GEN1: variants seen among roughly 807,000 people sequenced by gnomAD.
GEN1 encodes the protein GEN1 structure-specific endonuclease, also known as flap endonuclease GEN homolog 1.
In GEN1, 64 loss-of-function variants were observed where a neutral mutation model predicts 67.6. The ratio of observed to expected loss-of-function variants is 0.95; its 90% CI spans 0.77 to 1.17. GEN1 has a LOEUF of 1.17. Among genes scored for constraint, GEN1 ranks in the 50% most tolerant of loss-of-function variants. The pLI is 0.00. For missense variants in GEN1, 1,058 were observed against 1,048.3 expected (o/e 1.01, Z -0.13); for synonymous variants, 371 against 359.4 (o/e 1.03, Z -0.37).
rs918155688 is a variant in GEN1, at chr2:17,787,063, G to A, written c.*5124G>A. 7.2e-5 allele frequency: 11 copies of A among 152,150 alleles called. No homozygotes were observed. Among genetic ancestry groups the A allele is most frequent in the African/African-American group, 2.2e-4 (9 of 41,428 alleles). 9.4% of individuals were successfully genotyped at this position (152,150 alleles called of 1,614,324 possible). A position where few individuals can be genotyped will look rare whatever the true frequency, so the allele number is the denominator to read the frequency against. On this transcript the variant is annotated 3_prime_UTR_variant, in exon 14 of 14. Transcript: ENST00000381254. ...TAAGACCATTTGTTATTCCCTGCAC[G>A]GATGTCTCTGCCTGAAATGCTTGCT...
At chr2:17,770,312 A>T (rs1163110838) in intron 6 of GEN1, among the ~76,000 whole-genome samples, 1 of 152,116 alleles carries the variant, frequency 6.6e-6, no homozygotes, top group Non-Finnish European at 1.5e-5. Flanking sequence ...AGTTATTTTT[A>T]ATTTTTGCCG....
At chr2:17,754,519 CCT>C (rs1193935075) in intron 1 of GEN1, 174 bp downstream of exon 1, 1 of 152,210 alleles carries the variant, frequency 6.6e-6, no homozygotes, top group South Asian at 2.1e-4. Context: ...CGACTTGGCC[CCT>C]GTTTTCCACT....
Position 17,770,707 on chromosome 2 carries a change from A to G in GEN1, c.711-489A>G, listed in dbSNP as rs1483134780. ...AGAGATTAAGAAATGATTATTTTAC[A>G]TGATTTAGCTTTTTGATACAGTTTT... On this transcript the variant is annotated intron_variant, in intron 6 of 13. Transcript: ENST00000381254. Among the ~76,000 whole-genome samples, 5 of 152,154 alleles carry G rather than the reference A, an allele frequency of 3.3e-5. No individual in the cohort carries two copies. The East Asian group carries it at 7.7e-4, about 23-fold the overall frequency.
chr2:17,760,614 T>C (rs1671630116), intron 2 of GEN1, among the ~76,000 whole-genome samples: 1 of 152,136 alleles, frequency 6.6e-6, no homozygotes, highest in African/African-American at 2.4e-5. Flanking sequence ...CATAAATCTT[T>C]CTTGCTTAAA....
intron 10 of GEN1, among the ~76,000 whole-genome samples, chr2:17,773,907 A>G (rs1572410107): frequency 6.6e-6 from 1 of 152,250 alleles, no homozygotes; most frequent in Non-Finnish European, 1.5e-5. Flanking sequence ...ATGACAGCCA[A>G]CATTTGTTAG....
intron 3 of GEN1, among the ~76,000 whole-genome samples, chr2:17,762,326 C>T (rs1279574735): frequency 4.0e-5 from 6 of 150,754 alleles, no homozygotes; most frequent in African/African-American, 9.7e-5. Flanking sequence ...CTCAGCCTCC[C>T]GAGTAGCTGG....
Position 17,782,629 on chromosome 2 carries a change from T to A in GEN1, c.*690T>A, listed in dbSNP as rs1672898485. ...AAACTGAGCAAAGTAACTCCTTATG[T>A]ATCCCCAGAAGTTCACAGGTATATC... On this transcript the variant is annotated 3_prime_UTR_variant, in exon 14 of 14. Transcript: ENST00000381254. The A allele has an allele frequency of 6.6e-6, 1 of 152,206 alleles. No individual in the cohort carries two copies. The highest frequency in any genetic ancestry group is 2.1e-4 in the South Asian group (1 of 4,830). 9.4% of individuals were successfully genotyped at this position (152,206 alleles called of 1,614,324 possible).
At chr2:17,776,457 T>C (rs1034030325) in intron 11 of GEN1, among the ~76,000 whole-genome samples, 1 of 152,150 alleles carries the variant, frequency 6.6e-6, no homozygotes, top group African/African-American at 2.4e-5. Flanking sequence ...GGCTGCAGTA[T>C]TTAGGGGTGA....
In GEN1 at chr2:17,778,212, ATATG is replaced by A. The variant is rs1379971389; in HGVS notation, c.1264+153_1264+156del. ...TACACACACACATATATGTGTATAT[ATATG>A]TATACACACACATATATGTGTGTAC... On this transcript the variant is annotated intron_variant, in intron 12 of 13. Transcript: ENST00000381254. The A allele has an allele frequency of 1.7e-3, 789 of 472,258 alleles. 24 individuals are homozygous for A. Among genetic ancestry groups the A allele is most frequent in the African/African-American group, 0.014 (698 of 49,216 alleles). 29.3% of individuals were successfully genotyped at this position (472,258 alleles called of 1,614,324 possible). A position where few individuals can be genotyped will look rare whatever the true frequency, so the allele number is the denominator to read the frequency against.
chr2:17,753,724 G>A (rs1268534791), upstream of GEN1: 1 of 152,290 alleles, frequency 6.6e-6, no homozygotes, highest in Non-Finnish European at 1.5e-5. Flanking sequence ...GACCTCGGCT[G>A]ACCGCCGCTG....
chr2:17,788,470 C>A lies in GEN1; in HGVS notation c.*6531C>A, dbSNP rs572743185. The A allele has an allele frequency of 7.2e-5, 11 of 152,308 alleles. No individual in the cohort carries two copies. Among genetic ancestry groups the A allele is most frequent in the African/African-American group, 2.6e-4 (11 of 41,568 alleles). The allele number at this position is 152,308 out of a possible 1,614,324, so 9.4% of individuals were successfully genotyped here. ...CAGAGTTATCAGCAAAGTAGGCTGACCCTTCTGTGGGCAGAATGAATATTT... is the reference window on the plus strand; with the variant it reads ...CAGAGTTATCAGCAAAGTAGGCTGAACCTTCTGTGGGCAGAATGAATATTT... On this transcript the variant is annotated 3_prime_UTR_variant, in exon 14 of 14. Transcript: ENST00000381254.
At chr2:17,772,263 GTAAA>G (rs1451882579) in intron 7 of GEN1, among the ~76,000 whole-genome samples, 1 of 152,012 alleles carries the variant, frequency 6.6e-6, no homozygotes, top group African/African-American at 2.4e-5. Context: ...ATTCTATTAA[GTAAA>G]TAATCTTTTT....
In GEN1 at chr2:17,781,322, A is replaced by G. The variant is rs371577438; in HGVS notation, c.2110A>G (p.Lys704Glu). Reference sequence around the variant, plus strand: ...GAAAACTTTGTCCATACTTAGTGTAAAAGAATCTTGTATTGCTAACAGTGG... The same window carrying G: ...GAAAACTTTGTCCATACTTAGTGTAGAAGAATCTTGTATTGCTAACAGTGG... ...NLKTLSILSVKESCIANSGSD... is the reference protein window; with the variant it reads ...NLKTLSILSVEESCIANSGSD... Residue 704 changes from lysine to glutamate, a missense_variant, in exon 14 of 14, where the codon AAA (lysine) becomes GAA (glutamate). Coordinates refer to ENST00000381254, the MANE Select transcript of GEN1 (RefSeq NM_001130009.3). The G allele has an allele frequency of 2.6e-5, 42 of 1,613,842 alleles. No homozygotes were observed. The highest frequency in any genetic ancestry group is 3.3e-5 in the Non-Finnish European group (39 of 1,179,760).
intron 1 of GEN1, among the ~76,000 whole-genome samples, chr2:17,757,038 TA>T (rs1178083290): frequency 2.4e-4 from 37 of 152,358 alleles, no homozygotes; most frequent in Admixed American, 1.4e-3. Flanking sequence ...TTCTTTCTAA[TA>T]AAATGTACAT....
In GEN1 at chr2:17,780,816, C is replaced by T. The variant is rs370271129; in HGVS notation, c.1604C>T (p.Thr535Ile). ...AATAGCTTGCTTTTACCTAAAAATA[C>T]TCCATGTTTGAATGCACAAGAACAG... ...SLNSLLLPKN[T>I]PCLNAQEQFM... The change falls in exon 14 of 14, where the codon ACT becomes ATT. Residue 535 changes from threonine (T) to isoleucine (I), a missense_variant. Transcript: ENST00000381254. 1.9e-5 allele frequency: 31 copies of T among 1,613,810 alleles called. No individual in the cohort carries two copies. The African/African-American group carries it at 3.7e-4, about 19-fold the overall frequency.
At chr2:17,777,177 G>GA (rs944738875) in intron 11 of GEN1, among the ~76,000 whole-genome samples, 34 of 151,630 alleles carry the variant, frequency 2.2e-4, no homozygotes, top group African/African-American at 7.3e-4. Context: ...ACTTCAGCAA[G>GA]AAAAAAAATG....
In GEN1 at chr2:17,778,876, G is replaced by C. The variant is rs143138020; in HGVS notation, c.1264+813G>C. Among the ~76,000 whole-genome samples, 918 of 152,098 alleles carry C rather than the reference G, an allele frequency of 6.0e-3. 1 individual carries two copies. The highest frequency in any genetic ancestry group is 1.0e-2 in the Non-Finnish European group (680 of 68,006). ...CAGAAATACAGTGAACTCTGAATTAGCTCCCAAACTGGAGATAGTGAAAAA... is the reference window on the plus strand; with the variant it reads ...CAGAAATACAGTGAACTCTGAATTACCTCCCAAACTGGAGATAGTGAAAAA... On this transcript the variant is annotated intron_variant, in intron 12 of 13. Transcript: ENST00000381254.
At chr2:17,773,026 T>A in intron 8 of GEN1, 70 bp from the exon 9 acceptor site, 1 of 1,009,552 alleles carries the variant, frequency 9.9e-7, no homozygotes, top group Non-Finnish European at 1.5e-6. Context: ...GGGAGGAGAT[T>A]GGCTGAGATG....
rs1273800943 is a variant in GEN1, at chr2:17,783,823, A to G, written c.*1884A>G. The stretch of plus-strand genomic sequence containing the variant: ...TAAAAAAGAGTGACATTTGATTCCT[A>G]CTTCACATGATATTTAAGAAGTAAC... On this transcript the variant is annotated 3_prime_UTR_variant, in exon 14 of 14. Transcript: ENST00000381254. The G allele has an allele frequency of 2.6e-5, 4 of 152,232 alleles. No individual in the cohort carries two copies. Among genetic ancestry groups the G allele is most frequent in the Non-Finnish European group, 4.4e-5 (3 of 68,032 alleles). 9.4% of individuals were successfully genotyped at this position (152,232 alleles called of 1,614,324 possible).
Sources: gnomAD v4.1 joint callset for allele counts (sites outside exome capture counted in the v4.1 genomes callset) on GRCh38, gnomAD v4.1.1 for gene constraint, MANE v1.5 for transcripts, NCBI Gene and HGNC (gene_info 2026-07-23, HGNC 2026-07-21) for gene names.